The following ATP6V0A4 variants were observed in gnomAD, a reference collection of about 807,000 sequenced individuals.
The protein encoded by ATP6V0A4 is ATPase H+ transporting V0 subunit a4, also known as V-type proton ATPase 116 kDa subunit a 4.
ATP6V0A4 carries 86 observed loss-of-function variants against 107.3 expected under a neutral mutation model. The observed-to-expected ratio is 0.80, with a 90% CI of 0.67 to 0.96. The LOEUF is 0.96. Ranked by LOEUF, ATP6V0A4 falls within the 40% of genes least tolerant of loss-of-function variation. ATP6V0A4 has a pLI of 0.00. For synonymous variants in ATP6V0A4, 353 were observed against 381.4 expected, an observed-to-expected ratio of 0.93 and a Z score of 0.87; for missense variants, 908 against 1,045.6, an observed-to-expected ratio of 0.87 and a Z score of 1.81.
intron 11 of ATP6V0A4, among the ~76,000 whole-genome samples, chr7:138,751,135 G>A (rs1198207807): frequency 6.6e-6 from 1 of 151,950 alleles, no homozygotes; most frequent in Non-Finnish European, 1.5e-5. Context: ...CCAGCTGCAT[G>A]CCACCCACTC....
intron 1 of ATP6V0A4, among the ~76,000 whole-genome samples, chr7:138,788,963 G>A (rs150041777): frequency 8.1e-4 from 123 of 152,264 alleles, no homozygotes; most frequent in African/African-American, 2.6e-3. Flanking sequence ...TATTAGCAGC[G>A]TGAGAACAGA....
intron 2 of ATP6V0A4, among the ~76,000 whole-genome samples, chr7:138,785,898 C>T (rs771850481): frequency 4.6e-5 from 7 of 152,174 alleles, no homozygotes; most frequent in Non-Finnish European, 8.8e-5. Flanking sequence ...CTCCTGGCCA[C>T]GACTTTTTCC....
intron 13 of ATP6V0A4, 121 bp from the exon 14 acceptor site, chr7:138,745,401 AC>A: frequency 7.2e-7 from 1 of 1,394,790 alleles, no homozygotes; most frequent in Non-Finnish European, 1.0e-6. Context: ...GAGCCACATG[AC>A]CACAGCAGAC....
At chr7:138,760,165 C>T (rs1806730925) in intron 7 of ATP6V0A4, among the ~76,000 whole-genome samples, 1 of 152,098 alleles carries the variant, frequency 6.6e-6, no homozygotes, top group South Asian at 2.1e-4. Flanking sequence ...ATAGAATGGC[C>T]AGGCGCCGTG....
At chr7:138,708,468 G>T (rs891652009) in intron 21 of ATP6V0A4, among the ~76,000 whole-genome samples, 1 of 152,126 alleles carries the variant, frequency 6.6e-6, no homozygotes, top group African/African-American at 2.4e-5. Flanking sequence ...AAGTGCAAAG[G>T]CTTCTTTATG....
At chr7:138,713,394 G>C (rs1803853838) in intron 20 of ATP6V0A4, among the ~76,000 whole-genome samples, 1 of 152,026 alleles carries the variant, frequency 6.6e-6, no homozygotes, top group Non-Finnish European at 1.5e-5. Context: ...ATGTGAGTTT[G>C]TGGGAGGAAA....
intron 19 of ATP6V0A4, among the ~76,000 whole-genome samples, chr7:138,716,483 G>A (rs1292159219): frequency 6.6e-6 from 1 of 150,810 alleles, no homozygotes; most frequent in African/African-American, 2.4e-5. Context: ...TATGAGCTCA[G>A]TAACACAGGA....
At chr7:138,745,370 C>T (rs1306687225) in intron 13 of ATP6V0A4, 90 bp from the exon 14 acceptor site, 1 of 1,585,664 alleles carries the variant, frequency 6.3e-7, no homozygotes, top group Admixed American at 1.7e-5. Flanking sequence ...TCCAGCATCA[C>T]CGGTGCAGGC....
chr7:138,762,288 G>A, intron 7 of ATP6V0A4, 52 bp downstream of exon 7: 3 of 1,592,396 alleles, frequency 1.9e-6, no homozygotes, highest in Non-Finnish European at 2.6e-6. Flanking sequence ...CACTCACTCA[G>A]AAATCACTCG....
chr7:138,788,778 A>G (rs1358879955), intron 1 of ATP6V0A4, among the ~76,000 whole-genome samples: 1 of 152,064 alleles, frequency 6.6e-6, no homozygotes, highest in East Asian at 1.9e-4. Flanking sequence ...ACAAGATCTG[A>G]TGGTTTTATA....
At chr7:138,738,210 C>G (rs1298563393) in intron 15 of ATP6V0A4, among the ~76,000 whole-genome samples, 1 of 152,200 alleles carries the variant, frequency 6.6e-6, no homozygotes, top group Non-Finnish European at 1.5e-5. Flanking sequence ...ATCCCACATT[C>G]TCTTTCACCC....
intron 2 of ATP6V0A4, among the ~76,000 whole-genome samples, chr7:138,779,002 G>A (rs1331331414): frequency 3.3e-5 from 5 of 152,074 alleles, no homozygotes; most frequent in African/African-American, 1.2e-4. Context: ...TGGGAGAAAC[G>A]CTCTACCCAA....
intron 15 of ATP6V0A4, among the ~76,000 whole-genome samples, chr7:138,738,026 T>TGCTG (rs34821314): frequency 0.57 from 85,537 of 151,312 alleles, 24,708 homozygotes; most frequent in East Asian, 0.92. Flanking sequence ...CCTCCCAAAG[T>TGCTG]GCTGGGATTA....
intron 2 of ATP6V0A4, among the ~76,000 whole-genome samples, chr7:138,778,428 T>TTATATA (rs56126323): frequency 2.0e-5 from 3 of 147,936 alleles, no homozygotes; most frequent in Admixed American, 6.7e-5. Context: ...ACATCTCATT[T>TTATATA]TATATATATA....
rs1451439323 is a variant in ATP6V0A4, at chr7:138,721,939, A to C, written c.2097T>G (p.Thr699=). ...SSPSSRSGQR[T]SADTHGALDD... is the part of the protein sequence containing the mutation. ...CCAGAGCCCCGTGGGTATCTGCAGA[A>C]GTCCTCTGGCCAGAACGGCTAGAAG... The change falls in exon 19 of 22, where the codon ACT becomes ACG. Residue 699 remains threonine (T), a synonymous_variant. Coordinates refer to ENST00000310018, the MANE Select transcript of ATP6V0A4 (RefSeq NM_020632.3). 8 of 1,614,036 alleles carry C rather than the reference A, an allele frequency of 5.0e-6. No individual in the cohort carries two copies. Among genetic ancestry groups the C allele is most frequent in the Admixed American group, 3.3e-5 (2 of 59,994 alleles).
chr7:138,710,807 A>G (rs1350457810), intron 20 of ATP6V0A4, among the ~76,000 whole-genome samples: 1 of 152,128 alleles, frequency 6.6e-6, no homozygotes, highest in Non-Finnish European at 1.5e-5. Context: ...TCCTTTCCCC[A>G]GAAAAATGCA....
chr7:138,738,304 A>G (rs1414831598), intron 15 of ATP6V0A4, among the ~76,000 whole-genome samples: 1 of 152,152 alleles, frequency 6.6e-6, no homozygotes. Flanking sequence ...CAGTTCTGCA[A>G]TGTGAAATAC....
chr7:138,792,105 G>A (rs913077548), intron 1 of ATP6V0A4, among the ~76,000 whole-genome samples: 10 of 152,058 alleles, frequency 6.6e-5, no homozygotes, highest in Admixed American at 6.6e-4. Flanking sequence ...TCAGGAGATC[G>A]AGACCATCCT....
chr7:138,788,586 C>T (rs1044072949), intron 1 of ATP6V0A4, among the ~76,000 whole-genome samples: 4 of 152,192 alleles, frequency 2.6e-5, no homozygotes, highest in African/African-American at 7.2e-5. Context: ...CTATACCAAA[C>T]TCTATAATAT....
Sources: gnomAD v4.1 joint callset for allele counts (sites outside exome capture counted in the v4.1 genomes callset) on GRCh38, gnomAD v4.1.1 for gene constraint, MANE v1.5 for transcripts, NCBI Gene and HGNC (gene_info 2026-07-23, HGNC 2026-07-21) for gene names.